CRADD: variants seen among roughly 807,000 people sequenced by gnomAD.
CRADD encodes the protein death domain-containing protein CRADD.
Under a neutral mutation model 15.5 loss-of-function variants are expected in CRADD, and 9 were observed. That is an observed-to-expected ratio of 0.58 (90% confidence interval 0.35 to 1.01). CRADD has a LOEUF of 1.01. CRADD is among the 50% of genes least tolerant of loss of function. The pLI, the probability that CRADD is intolerant of heterozygous loss-of-function variation, is 0.02. For synonymous variants in CRADD, 118 were observed against 107.6 expected (o/e 1.10, Z -0.60); for missense variants, 227 against 250.3 (o/e 0.91, Z 0.63).
At chr12:93,796,143 T>G (rs900480044) in intron 2 of CRADD, among the ~76,000 whole-genome samples, 1 of 152,182 alleles carries the variant, frequency 6.6e-6, no homozygotes, top group African/African-American at 2.4e-5. Flanking sequence ...TCAAGGACTT[T>G]TGAGCTTTTT....
intron 2 of CRADD, among the ~76,000 whole-genome samples, chr12:93,873,148 G>A (rs536270480): frequency 6.6e-6 from 1 of 151,828 alleles, no homozygotes; most frequent in South Asian, 2.1e-4. Flanking sequence ...TAATTTCTGG[G>A]TGTTTAATTT....
intron 2 of CRADD, among the ~76,000 whole-genome samples, chr12:93,861,128 A>G (rs1958316500): frequency 6.6e-6 from 1 of 152,146 alleles, no homozygotes; most frequent in Non-Finnish European, 1.5e-5. Flanking sequence ...AAAGAGGGGA[A>G]GGGTAGTGGC....
intron 2 of CRADD, among the ~76,000 whole-genome samples, chr12:93,821,752 TCTTC>T (rs1957771799): frequency 6.6e-6 from 1 of 152,188 alleles, no homozygotes; most frequent in African/African-American, 2.4e-5. Context: ...GGGCACAGCC[TCTTC>T]CTTGTGGTGT....
At chr12:93,743,486 C>T (rs1431366938) in intron 2 of CRADD, among the ~76,000 whole-genome samples, 1 of 152,116 alleles carries the variant, frequency 6.6e-6, no homozygotes, top group Non-Finnish European at 1.5e-5. Flanking sequence ...CCCTCGTCAC[C>T]GTCTGGTTAA....
chr12:93,816,832 G>A (rs1422009785), intron 2 of CRADD, among the ~76,000 whole-genome samples: 5 of 152,158 alleles, frequency 3.3e-5, no homozygotes, highest in African/African-American at 4.8e-5. Flanking sequence ...CCCTGCACTC[G>A]TCTGTGCACT....
intron 2 of CRADD, among the ~76,000 whole-genome samples, chr12:93,797,478 C>T (rs936860949): frequency 6.6e-6 from 1 of 152,166 alleles, no homozygotes; most frequent in Non-Finnish European, 1.5e-5. Flanking sequence ...GCCCTGAGAA[C>T]ATCATCCCTC....
At chr12:93,760,933 G>A (rs1956947872) in intron 2 of CRADD, among the ~76,000 whole-genome samples, 1 of 151,278 alleles carries the variant, frequency 6.6e-6, no homozygotes, top group South Asian at 2.1e-4. Context: ...TGATCAAGGG[G>A]AAGACTGGTT....
At chr12:93,775,829 C>T (rs1165302795) in intron 2 of CRADD, among the ~76,000 whole-genome samples, 1 of 152,180 alleles carries the variant, frequency 6.6e-6, no homozygotes, top group East Asian at 1.9e-4. Flanking sequence ...CCTTGGCATT[C>T]ATTTTCTCAC....
At chr12:93,679,294 A>G (rs4638349) in intron 2 of CRADD, among the ~76,000 whole-genome samples, 1 of 152,088 alleles carries the variant, frequency 6.6e-6, no homozygotes, top group Admixed American at 6.5e-5. Context: ...GGCATTTGCC[A>G]CCATGCCCTG....
At chr12:93,728,233 T>C (rs1049576783) in intron 2 of CRADD, among the ~76,000 whole-genome samples, 1 of 152,238 alleles carries the variant, frequency 6.6e-6, no homozygotes, top group African/African-American at 2.4e-5. Flanking sequence ...CTATCTATAA[T>C]TGATAATCAG....
chr12:93,832,997 AT>A (rs2137031682), intron 2 of CRADD, among the ~76,000 whole-genome samples: 1 of 152,266 alleles, frequency 6.6e-6, no homozygotes, highest in East Asian at 1.9e-4. Flanking sequence ...AGTACATGTA[AT>A]TTTTGCCATC....
At chr12:93,682,871 T>C (rs1955349071) in intron 2 of CRADD, among the ~76,000 whole-genome samples, 1 of 152,220 alleles carries the variant, frequency 6.6e-6, no homozygotes, top group African/African-American at 2.4e-5. Context: ...TTTGTGTTTT[T>C]CTCACCCTGT....
In CRADD at chr12:93,810,266, C is replaced by T. The variant is rs369834314; in HGVS notation, c.299-39704C>T. Among the ~76,000 whole-genome samples the T allele has an allele frequency of 5.3e-5, 8 of 151,978 alleles. No individual in the cohort carries two copies. In the South Asian group the frequency reaches 1.0e-3, roughly 20 times the overall value. ...GATGTGCCTTAAGAATAGGGAATTT[C>T]GGCTGGGCACGGTGGCTCACGCCTG... On this transcript the variant is annotated intron_variant, in intron 2 of 2. Coordinates refer to ENST00000332896, the MANE Select transcript of CRADD (RefSeq NM_003805.5).
intron 2 of CRADD, among the ~76,000 whole-genome samples, chr12:93,875,211 A>G (rs923633112): frequency 6.6e-6 from 1 of 151,686 alleles, no homozygotes; most frequent in African/African-American, 2.4e-5. Context: ...CTTGAAAGCT[A>G]TTTTGTCTGA....
intron 2 of CRADD, among the ~76,000 whole-genome samples, chr12:93,740,363 C>T (rs1287021132): frequency 6.6e-6 from 1 of 151,992 alleles, no homozygotes; most frequent in Non-Finnish European, 1.5e-5. Context: ...TGAAGAAATT[C>T]CAAAAATGAG....
intron 2 of CRADD, among the ~76,000 whole-genome samples, chr12:93,761,893 A>G (rs773909661): frequency 2.0e-5 from 3 of 152,188 alleles, no homozygotes; most frequent in Non-Finnish European, 4.4e-5. Context: ...AATCCTGCCT[A>G]TGCTTTAATA....
intron 2 of CRADD, among the ~76,000 whole-genome samples, chr12:93,742,704 C>T (rs1209943237): frequency 1.3e-5 from 2 of 152,124 alleles, no homozygotes; most frequent in African/African-American, 2.4e-5. Flanking sequence ...GAAGGAACAC[C>T]GGAGAAATGG....
At chr12:93,757,619 A>G (rs1216608609) in intron 2 of CRADD, among the ~76,000 whole-genome samples, 1 of 152,220 alleles carries the variant, frequency 6.6e-6, no homozygotes, top group Non-Finnish European at 1.5e-5. Context: ...TGAGAGTAGC[A>G]GTATATCACT....
chr12:93,767,162 T>A (rs556236912), intron 2 of CRADD, among the ~76,000 whole-genome samples: 1 of 152,240 alleles, frequency 6.6e-6, no homozygotes, highest in Non-Finnish European at 1.5e-5. Context: ...TTTTTCTGCA[T>A]GTTCCAAGCT....
Sources: gnomAD v4.1 joint callset for allele counts (sites outside exome capture counted in the v4.1 genomes callset) on GRCh38, gnomAD v4.1.1 for gene constraint, MANE v1.5 for transcripts, NCBI Gene and HGNC (gene_info 2026-07-23, HGNC 2026-07-21) for gene names.